The following TNNT2 variants were observed in gnomAD, a reference collection of about 807,000 sequenced individuals.
TNNT2 encodes the protein troponin T, cardiac muscle.
Under a neutral mutation model 62.4 loss-of-function variants are expected in TNNT2, and 34 were observed. That is an observed-to-expected ratio of 0.54 (90% CI 0.41 to 0.72). The LOEUF (loss-of-function observed/expected upper bound fraction) is 0.72, where lower values mean the gene tolerates loss of function less well. Ranked by LOEUF, TNNT2 falls within the 30% of genes least tolerant of loss-of-function variation. TNNT2 has a pLI of 0.00. For synonymous variants in TNNT2, 123 were observed against 127.2 expected (o/e 0.97, Z 0.22); for missense variants, 275 against 381.9 (o/e 0.72, Z 2.33).
intron 15 of TNNT2, chr1:201,360,885 A>C: frequency 2.8e-6 from 1 of 352,534 alleles, no homozygotes; most frequent in Non-Finnish European, 5.5e-6. Context: ...TTGTGCCCAC[A>C]CCAGGACCTT....
In TNNT2 at chr1:201,372,128, C is replaced by T. The variant is rs776357102; in HGVS notation, c.52+17G>A. The T allele has an allele frequency of 1.2e-5, 19 of 1,614,166 alleles. No homozygotes were observed. In the South Asian group the frequency reaches 1.9e-4, roughly 16 times the overall value. On this transcript the variant is annotated intron_variant, in intron 3 of 16. Coordinates refer to ENST00000656932, the MANE Select transcript of TNNT2 (RefSeq NM_001276345.2). ...AGGCTGTCTTTGATCCAAATGAGTA[C>T]ACACGTTTACGCTTACCTTCCTGCT...
At chr1:201,363,191 A>ATTCCC in intron 12 of TNNT2, 105 bp downstream of exon 12, 1 of 1,602,916 alleles carries the variant, frequency 6.2e-7, no homozygotes, top group East Asian at 2.2e-5. Context: ...AGCAGCTGGG[A>ATTCCC]ATCTCTTCCT....
At chr1:201,373,627 A>G (rs1358686890) in intron 1 of TNNT2, 1 of 350,762 alleles carries the variant, frequency 2.9e-6, no homozygotes, top group East Asian at 6.9e-5. Context: ...CACTGTACAA[A>G]TCTTCACTGC....
intron 8 of TNNT2, chr1:201,366,619 G>T: frequency 2.1e-6 from 3 of 1,448,118 alleles, no homozygotes; most frequent in Non-Finnish European, 2.7e-6. Context: ...CTGCTAGGGT[G>T]CACGATTGGT....
chr1:201,370,573 G>A (rs935764737), intron 4 of TNNT2, among the ~76,000 whole-genome samples: 1 of 152,234 alleles, frequency 6.6e-6, no homozygotes, highest in Non-Finnish European at 1.5e-5. Flanking sequence ...TATCTATCCT[G>A]CAGGCTTAGT....
intron 1 of TNNT2, among the ~76,000 whole-genome samples, chr1:201,375,698 C>T (rs1661297388): frequency 6.6e-6 from 1 of 152,164 alleles, no homozygotes; most frequent in African/African-American, 2.4e-5. Flanking sequence ...ACTTGAGGAG[C>T]TCCTACCTGA....
intron 16 of TNNT2, 120 bp from the exon 17 acceptor site, chr1:201,359,375 G>T: frequency 7.8e-7 from 1 of 1,282,010 alleles, no homozygotes; most frequent in Non-Finnish European, 1.1e-6. Flanking sequence ...GCCTCCAGGG[G>T]CAGAATAGGA....
chr1:201,365,083 G>C, intron 10 of TNNT2, 108 bp downstream of exon 10: 1 of 910,934 alleles, frequency 1.1e-6, no homozygotes, highest in Non-Finnish European at 1.9e-6. Flanking sequence ...CACCTAGCTG[G>C]GTTTGAGGCG....
intron 1 of TNNT2, chr1:201,373,866 C>T (rs1438207804): frequency 1.2e-5 from 2 of 171,434 alleles, no homozygotes; most frequent in Non-Finnish European, 2.5e-5. Context: ...AGCCACCACA[C>T]CCATTCCATG....
chr1:201,360,890 G>C, intron 15 of TNNT2: 1 of 356,776 alleles, frequency 2.8e-6, no homozygotes, highest in South Asian at 2.3e-5. Context: ...CCCACACCAG[G>C]ACCTTGGGTG....
chr1:201,366,551 T>C, intron 8 of TNNT2: 3 of 1,327,350 alleles, frequency 2.3e-6, no homozygotes, highest in Non-Finnish European at 2.9e-6. Context: ...CTGGCCATAC[T>C]GTGAGAGAGG....
chr1:201,366,615 G>C (rs1659709346), intron 8 of TNNT2: 2 of 1,443,308 alleles, frequency 1.4e-6, no homozygotes, highest in Non-Finnish European at 1.8e-6. Flanking sequence ...ATCCCTGCTA[G>C]GGTGCACGAT....
At chr1:201,365,498 C>T in intron 9 of TNNT2, 112 bp downstream of exon 9, 1 of 1,303,622 alleles carries the variant, frequency 7.7e-7, no homozygotes, top group Non-Finnish European at 1.1e-6. Context: ...GCTGGTGCTG[C>T]ACCCCATCCC....
chr1:201,366,806 T>C (rs1321715292), intron 8 of TNNT2, 32 bp downstream of exon 8: 1 of 1,613,926 alleles, frequency 6.2e-7, no homozygotes, highest in African/African-American at 1.3e-5. Flanking sequence ...GAGCCTCTGC[T>C]CCCGGCTCTA....
intron 2 of TNNT2, 125 bp downstream of exon 2, chr1:201,373,089 G>A: frequency 1.1e-6 from 1 of 943,224 alleles, no homozygotes; most frequent in Middle Eastern, 2.1e-4. Context: ...CTCTCCTCGG[G>A]GTGCCCAAAA....
intron 15 of TNNT2, chr1:201,360,868 A>C: frequency 3.1e-6 from 1 of 323,520 alleles, no homozygotes; most frequent in South Asian, 2.8e-5. Context: ...CTTGAGGCTC[A>C]GCCTAATTGT....
At chr1:201,375,358 C>T (rs1661238220) in intron 1 of TNNT2, 1 of 152,218 alleles carries the variant, frequency 6.6e-6, no homozygotes, top group South Asian at 2.1e-4. Flanking sequence ...AGTGGTCCTT[C>T]CGCTGCTCCC....
intron 13 of TNNT2, 65 bp downstream of exon 13, chr1:201,362,320 CT>C: frequency 6.2e-7 from 1 of 1,600,356 alleles, no homozygotes; most frequent in Non-Finnish European, 8.5e-7. Flanking sequence ...AGCAAGGCGC[CT>C]TCCCCTCCCA....
At chr1:201,369,278 GC>G in intron 5 of TNNT2, 1 of 472,356 alleles carries the variant, frequency 2.1e-6, no homozygotes, top group South Asian at 1.5e-5. Context: ...TCACTCCCTT[GC>G]CTTGGTCCTG....
Sources: gnomAD v4.1 joint callset for allele counts (sites outside exome capture counted in the v4.1 genomes callset) on GRCh38, gnomAD v4.1.1 for gene constraint, MANE v1.5 for transcripts, NCBI Gene and HGNC (gene_info 2026-07-23, HGNC 2026-07-21) for gene names.